Variants in GZMK observed in about 807,000 individuals in gnomAD.
GZMK encodes the protein granzyme K.
A neutral mutation model predicts 22.8 loss-of-function variants in GZMK; 18 were observed. The ratio of observed to expected loss-of-function variants is 0.79; its 90% CI spans 0.54 to 1.17. The LOEUF is 1.17. GZMK is among the 50% of genes most tolerant of loss of function. GZMK has a pLI of 0.00. For synonymous variants in GZMK, 136 were observed against 115.0 expected (o/e 1.18, Z -1.17); for missense variants, 342 against 320.2 (o/e 1.07, Z -0.52).
rs1465227436 is a variant in GZMK, at chr5:55,030,415, T to C, written c.213-19T>C. ...TTTGGAAATCATTCTGCTGCTTTCA[T>C]TGTCTTTGCTTTTTTTAGGTTTACC... On this transcript the variant is annotated intron_variant, in intron 2 of 4. Coordinates refer to ENST00000231009, the MANE Select transcript of GZMK (RefSeq NM_002104.3). The C allele has an allele frequency of 1.9e-6, 3 of 1,611,748 alleles. No individual in the cohort carries two copies. The highest frequency in any genetic ancestry group is 2.2e-5 in the East Asian group (1 of 44,864).
intron 2 of GZMK, 54 bp from the exon 3 acceptor site, chr5:55,030,380 C>T (rs1741207034): frequency 1.9e-6 from 3 of 1,558,380 alleles, no homozygotes; most frequent in African/African-American, 1.4e-5. Context: ...CACCACTCCC[C>T]ACTGGGGGAT....
chr5:55,024,435 A>T (rs768398846), intron 1 of GZMK, 49 bp downstream of exon 1: 2 of 900,496 alleles, frequency 2.2e-6, no homozygotes, highest in Admixed American at 4.0e-5. Flanking sequence ...ATTTCTACTG[A>T]CTATATTGTT....
Position 55,030,504 on chromosome 5 carries a change from C to A in GZMK, c.283C>A (p.Gln95Lys). 6.2e-7 allele frequency: 1 copy of A among 1,612,092 alleles called. No individual in the cohort carries two copies. Among genetic ancestry groups the A allele is most frequent in the Middle Eastern group, 1.6e-4 (1 of 6,062 alleles). The change falls in exon 3 of 5, where the codon CAA (glutamine) becomes AAA (lysine). Residue 95 changes from glutamine to lysine, a missense_variant. Coordinates refer to ENST00000231009, the MANE Select transcript of GZMK (RefSeq NM_002104.3). ...HSLSKNEASK[Q>K]TLEIKKFIPF... Reference sequence around the variant, plus strand: ...TCTCTCAAAGAATGAGGCCTCCAAACAAACACTGGAGATCAAAAAATTTAT... The same window carrying A: ...TCTCTCAAAGAATGAGGCCTCCAAAAAAACACTGGAGATCAAAAAATTTAT...
intron 4 of GZMK, among the ~76,000 whole-genome samples, chr5:55,032,000 A>C (rs1191972056): frequency 2.7e-5 from 3 of 109,540 alleles, no homozygotes; most frequent in African/African-American, 1.4e-4. Context: ...TTGCAGATTA[A>C]TCAATAAGGA....
chr5:55,033,749 T>C lies in GZMK; in HGVS notation c.634-16T>C. On this transcript the variant is annotated splice_polypyrimidine_tract_variant and intron_variant, in intron 4 of 4. Coordinates refer to ENST00000231009, the MANE Select transcript of GZMK (RefSeq NM_002104.3). ...ACAGCTTCTTACCACGTATTTGCCC[T>C]TTTTCTTCCTTCCAGGGTGACTCAG... 1.9e-6 allele frequency: 3 copies of C among 1,571,790 alleles called. No homozygotes were observed. Among genetic ancestry groups the C allele is most frequent in the East Asian group, 2.3e-5 (1 of 44,236 alleles).
intron 2 of GZMK, chr5:55,027,488 T>A (rs989842081): frequency 2.0e-5 from 3 of 151,744 alleles, no homozygotes; most frequent in Non-Finnish European, 4.4e-5. Context: ...TTGAAGGGGG[T>A]TGGCACGGGG....
intron 2 of GZMK, chr5:55,026,851 G>C (rs1386905073): frequency 6.6e-6 from 1 of 152,208 alleles, no homozygotes; most frequent in Non-Finnish European, 1.5e-5. Flanking sequence ...ACTCTCACCA[G>C]CTGTTGTACC....
intron 3 of GZMK, among the ~76,000 whole-genome samples, chr5:55,031,068 A>G (rs1741221647): frequency 6.6e-6 from 1 of 152,198 alleles, no homozygotes; most frequent in Admixed American, 6.5e-5. Flanking sequence ...CAAAGTCATG[A>G]CCTATGGATG....
chr5:55,033,686 C>CA lies in GZMK; in HGVS notation c.634-77dup, dbSNP rs1461198383. On this transcript the variant is annotated intron_variant, in intron 4 of 4. Coordinates refer to ENST00000231009, the MANE Select transcript of GZMK (RefSeq NM_002104.3). Reference sequence around the variant, plus strand: ...AAGACCCAGATGATAATCCCTTGAGCAATCAGCAGTTGGTGGTTAAAAAAC... The same window carrying CA: ...AAGACCCAGATGATAATCCCTTGAGCAAATCAGCAGTTGGTGGTTAAAAAAC... 7.1e-6 allele frequency: 7 copies of CA among 981,748 alleles called. No individual in the cohort carries two copies. The African/African-American group carries it at 1.1e-4, about 16-fold the overall frequency. The allele number at this position is 981,748 out of a possible 1,614,324, so 60.8% of individuals were successfully genotyped here.
chr5:55,024,532 T>G (rs1741114048), intron 1 of GZMK, 128 bp from the exon 2 acceptor site: 1 of 801,302 alleles, frequency 1.2e-6, no homozygotes, highest in African/African-American at 1.7e-5. Context: ...GTAAAATTAT[T>G]GTAGCTTTTA....
intron 2 of GZMK, among the ~76,000 whole-genome samples, chr5:55,028,826 AT>A (rs1741176073): frequency 6.6e-6 from 1 of 152,248 alleles, no homozygotes; most frequent in Admixed American, 6.5e-5. Context: ...TCTCCAAAAA[AT>A]TATTTCTACT....
At chr5:55,032,144 C>T (rs1293770976) in intron 4 of GZMK, among the ~76,000 whole-genome samples, 1 of 152,104 alleles carries the variant, frequency 6.6e-6, no homozygotes, top group Non-Finnish European at 1.5e-5. Context: ...AATAACAGAA[C>T]TTTATTCTGT....
intron 2 of GZMK, 70 bp from the exon 3 acceptor site, chr5:55,030,364 G>C (rs148784817): frequency 9.8e-6 from 14 of 1,429,612 alleles, no homozygotes; most frequent in Admixed American, 1.8e-5. Flanking sequence ...CAACCCTCTC[G>C]ACCATCACCA....
At chr5:55,027,493 A>T (rs1411622118) in intron 2 of GZMK, 1 of 152,544 alleles carries the variant, frequency 6.6e-6, no homozygotes, top group Non-Finnish European at 1.5e-5. Flanking sequence ...GGGGGTTGGC[A>T]CGGGGTTCAA....
At chr5:55,027,118 T>C (rs1428172728) in intron 2 of GZMK, 1 of 152,216 alleles carries the variant, frequency 6.6e-6, no homozygotes, top group Admixed American at 6.5e-5. Flanking sequence ...AACCTCAATT[T>C]CTTCATCTAT....
intron 2 of GZMK, among the ~76,000 whole-genome samples, chr5:55,026,347 G>A (rs914776706): frequency 6.6e-5 from 10 of 151,970 alleles, no homozygotes; most frequent in Non-Finnish European, 8.8e-5. Flanking sequence ...CACGAGAAGC[G>A]GATTCCCAAA....
At chr5:55,030,358 C>A in intron 2 of GZMK, 76 bp from the exon 3 acceptor site, 1 of 1,354,132 alleles carries the variant, frequency 7.4e-7, no homozygotes, top group Non-Finnish European at 1.0e-6. Context: ...TGTATACAAC[C>A]CTCTCGACCA....
At chr5:55,032,758 T>C (rs1402238542) in intron 4 of GZMK, 1 of 152,130 alleles carries the variant, frequency 6.6e-6, no homozygotes, top group African/African-American at 2.4e-5. Context: ...CAAGAGTCAT[T>C]ATGTTTTTCA....
In GZMK at chr5:55,030,455, C is replaced by A. The variant is rs140383865; in HGVS notation, c.234C>A (p.Pro78=). Residue 78 remains proline, a synonymous_variant, in exon 3 of 5, where the codon CCC becomes CCA. Coordinates refer to ENST00000231009, the MANE Select transcript of GZMK (RefSeq NM_002104.3). ...CQYRFTKGQS[P]TVVLGAHSLS... is the part of the protein sequence containing the mutation. ...TTAGGTTTACCAAAGGCCAGTCTCC[C>A]ACTGTGGTTTTAGGCGCACACTCTC... 2.0e-4 allele frequency: 316 copies of A among 1,613,558 alleles called. 2 individuals carry two copies. Among genetic ancestry groups the A allele is most frequent in the Non-Finnish European group, 4.3e-5 (51 of 1,179,872 alleles).
Sources: allele counts gnomAD v4.1 joint callset (sites outside exome capture counted in the v4.1 genomes callset), GRCh38; gene constraint gnomAD v4.1.1; transcripts MANE v1.5; gene names NCBI Gene and HGNC (gene_info 2026-07-23, HGNC 2026-07-21).